The following SGTB variants were observed in gnomAD, a reference collection of about 807,000 sequenced individuals.
SGTB encodes the protein small glutamine-rich tetratricopeptide repeat-containing protein beta.
Under a neutral mutation model 43.9 loss-of-function variants are expected in SGTB, and 19 were observed. The observed-to-expected ratio is 0.43, with a 90% CI of 0.30 to 0.63. The LOEUF is 0.63. SGTB is among the 30% of genes least tolerant of loss of function. SGTB has a pLI of 0.12. For synonymous variants in SGTB, 116 were observed against 117.3 expected (o/e 0.99, Z 0.07); for missense variants, 304 against 358.9 (o/e 0.85, Z 1.24).
At chr5:65,681,762 G>C (rs1757401828) in intron 6 of SGTB, among the ~76,000 whole-genome samples, 1 of 152,096 alleles carries the variant, frequency 6.6e-6, no homozygotes, top group Admixed American at 6.5e-5. Flanking sequence ...ATCACTTGAG[G>C]TCAGGAGTCT....
chr5:65,713,177 C>A, intron 2 of SGTB, 113 bp from the exon 3 acceptor site: 1 of 722,188 alleles, frequency 1.4e-6, no homozygotes, highest in South Asian at 2.0e-5. Context: ...GATCACAGAA[C>A]ATAAGGAAAA....
At chr5:65,706,398 G>A (rs1049497956) in intron 4 of SGTB, among the ~76,000 whole-genome samples, 1 of 152,100 alleles carries the variant, frequency 6.6e-6, no homozygotes, top group Non-Finnish European at 1.5e-5. Flanking sequence ...TTATAAAACT[G>A]TACTGTATGT....
rs1328479126 is a variant in SGTB at position 65,666,727 on chromosome 5, CAGAT to C, written c.*3515_*3518del. The C allele has an allele frequency of 1.3e-5, 2 of 151,996 alleles. No individual in the cohort carries two copies. Among genetic ancestry groups the C allele is most frequent in the African/African-American group, 4.8e-5 (2 of 41,360 alleles). The allele number at this position is 151,996 out of a possible 1,614,324, so 9.4% of individuals were successfully genotyped here. A position where few individuals can be genotyped will look rare whatever the true frequency, so the allele number is the denominator to read the frequency against. On this transcript the variant is annotated 3_prime_UTR_variant, in exon 11 of 11. Coordinates refer to ENST00000381007, the MANE Select transcript of SGTB (RefSeq NM_019072.3). ...TAGAATGGAAATGTAGGCAAGTGGA[CAGAT>C]AGCATCTAGATTGAATTTGTTACAG...
At position 65,708,544 on chromosome 5, in the gene SGTB, G is replaced by C; in HGVS notation, c.219C>G (p.Pro73=). The C allele has an allele frequency of 1.2e-6, 2 of 1,612,254 alleles. No homozygotes were observed. Among genetic ancestry groups the C allele is most frequent in the East Asian group, 4.5e-5 (2 of 44,758 alleles). Residue 73 remains proline, a synonymous_variant, in exon 4 of 11, where the codon CCC becomes CCG. Coordinates refer to ENST00000381007, the MANE Select transcript of SGTB (RefSeq NM_019072.3). ...TSSFCKNDVL[P]LSNSVPEDVG... Reference sequence around the variant, plus strand: ...CATCTTCAGGCACTGAGTTTGAAAGGGGCAGAACGTCATTCTGAAATTAAA... The same window carrying C: ...CATCTTCAGGCACTGAGTTTGAAAGCGGCAGAACGTCATTCTGAAATTAAA...
intron 4 of SGTB, among the ~76,000 whole-genome samples, chr5:65,704,711 C>G (rs1359242708): frequency 1.3e-5 from 2 of 152,180 alleles, no homozygotes; most frequent in Non-Finnish European, 2.9e-5. Context: ...TCTCTCTCCT[C>G]CCTTTTAGAG....
At chr5:65,701,051 C>T (rs924147558) in intron 5 of SGTB, among the ~76,000 whole-genome samples, 2 of 149,852 alleles carry the variant, frequency 1.3e-5, no homozygotes, top group African/African-American at 2.5e-5. Context: ...ATAATTATTC[C>T]GGAATTACCC....
chr5:65,708,371 A>C, intron 4 of SGTB, 118 bp downstream of exon 4: 1 of 779,886 alleles, frequency 1.3e-6, no homozygotes, highest in Non-Finnish European at 2.0e-6. Context: ...CGTAATTGCC[A>C]TGTGCACTTA....
Position 65,680,812 on chromosome 5 carries a change from T to A in SGTB, c.480-18A>T. 6.2e-7 allele frequency: 1 copy of A among 1,606,786 alleles called. No homozygotes were observed. The highest frequency in any genetic ancestry group is 8.5e-7 in the Non-Finnish European group (1 of 1,177,666). On this transcript the variant is annotated intron_variant, in intron 6 of 10. Transcript: ENST00000381007. ...GGGCCAGCCTGAAGGGAATAGAATA[T>A]AAGAATATCAGATATATGATTAAAG...
intron 5 of SGTB, among the ~76,000 whole-genome samples, chr5:65,687,488 T>C (rs552259479): frequency 1.3e-5 from 2 of 152,358 alleles, no homozygotes; most frequent in South Asian, 4.1e-4. Context: ...CTTGGCCTTC[T>C]AAGCCACAGT....
At chr5:65,686,348 A>T (rs112315) in intron 5 of SGTB, among the ~76,000 whole-genome samples, 87,817 of 151,828 alleles carry the variant, frequency 0.58, 25,960 homozygotes, top group Non-Finnish European at 0.64. Context: ...CACTCCCTGA[A>T]AATTTTGCTT....
chr5:65,674,508 T>C (rs1395555926), intron 8 of SGTB, among the ~76,000 whole-genome samples: 2 of 152,218 alleles, frequency 1.3e-5, no homozygotes, highest in East Asian at 3.8e-4. Flanking sequence ...AGAAAGTCTC[T>C]GTACCAGAAA....
At chr5:65,692,894 C>A (rs1037129284) in intron 5 of SGTB, among the ~76,000 whole-genome samples, 1 of 151,952 alleles carries the variant, frequency 6.6e-6, no homozygotes, top group African/African-American at 2.4e-5. Flanking sequence ...ACCCTCCCAC[C>A]CCATATACCC....
Position 65,672,294 on chromosome 5 carries a change from A to C in SGTB, c.682-13T>G. Reference sequence around the variant, plus strand: ...TTAAACTTGCCGCCTGGAATTGAAAAACAGCACCTCCCATTAAAGGCAGTT... The same window carrying C: ...TTAAACTTGCCGCCTGGAATTGAAACACAGCACCTCCCATTAAAGGCAGTT... On this transcript the variant is annotated splice_polypyrimidine_tract_variant and intron_variant, in intron 8 of 10. Transcript: ENST00000381007. The C allele has an allele frequency of 3.7e-6, 6 of 1,614,080 alleles. No homozygotes were observed. Among genetic ancestry groups the C allele is most frequent in the Non-Finnish European group, 4.2e-6 (5 of 1,179,986 alleles).
chr5:65,703,161 A>T (rs1757854472), intron 5 of SGTB, among the ~76,000 whole-genome samples: 1 of 152,206 alleles, frequency 6.6e-6, no homozygotes, highest in Non-Finnish European at 1.5e-5. Context: ...ATTGAAAAAA[A>T]ATGGAAGCAA....
intron 3 of SGTB, among the ~76,000 whole-genome samples, chr5:65,711,330 G>A (rs1405966482): frequency 6.6e-6 from 1 of 151,802 alleles, no homozygotes; most frequent in Non-Finnish European, 1.5e-5. Flanking sequence ...CAAACAGAGG[G>A]TAAAAGTCAA....
upstream of SGTB, chr5:65,722,449 G>A: frequency 6.4e-7 from 1 of 1,556,164 alleles, no homozygotes; most frequent in East Asian, 2.5e-5. Context: ...TTGGCCGTGG[G>A]CAGGGCGGGG....
intron 5 of SGTB, among the ~76,000 whole-genome samples, chr5:65,690,598 A>G (rs2150711261): frequency 3.3e-5 from 5 of 152,358 alleles, no homozygotes; most frequent in Admixed American, 3.3e-4. Context: ...AAACAACAAA[A>G]AAGAAAGCTG....
At position 65,689,353 on chromosome 5, in the gene SGTB, A is replaced by G. The variant is rs570794039; in HGVS notation, c.375-3881T>C. Among the ~76,000 whole-genome samples, 17 of 152,310 alleles carry G rather than the reference A, an allele frequency of 1.1e-4. No individual in the cohort carries two copies. In the East Asian group the frequency reaches 3.3e-3, roughly 29 times the overall value. On this transcript the variant is annotated intron_variant, in intron 5 of 10. Coordinates refer to ENST00000381007, the MANE Select transcript of SGTB (RefSeq NM_019072.3). Reference sequence around the variant, plus strand: ...TCAAGGACCATTTATCTGATTTGTTAACACTTGCTATATCACATCTACCAA... The same window carrying G: ...TCAAGGACCATTTATCTGATTTGTTGACACTTGCTATATCACATCTACCAA...
intron 8 of SGTB, among the ~76,000 whole-genome samples, chr5:65,677,572 A>G (rs1241895640): frequency 6.6e-6 from 1 of 152,228 alleles, no homozygotes; most frequent in Non-Finnish European, 1.5e-5. Context: ...CTTGATGAAC[A>G]TTGATACAAA....
Sources: allele counts gnomAD v4.1 joint callset (sites outside exome capture counted in the v4.1 genomes callset), GRCh38; gene constraint gnomAD v4.1.1; transcripts MANE v1.5; gene names NCBI Gene and HGNC (gene_info 2026-07-23, HGNC 2026-07-21).